Variants in FLVCR2 observed in about 807,000 individuals in gnomAD.
FLVCR2 encodes choline/ethanolamine transporter FLVCR2.
Under a neutral mutation model 48.9 loss-of-function variants are expected in FLVCR2, and 38 were observed. The observed-to-expected ratio is 0.78, with a 90% CI of 0.60 to 1.02. The LOEUF is 1.02. FLVCR2 is among the 50% of genes least tolerant of loss of function. The pLI is 0.00. For missense variants in FLVCR2, 664 were observed against 663.3 expected (o/e 1.00, Z -0.01); for synonymous variants, 255 against 257.0 (o/e 0.99, Z 0.07).
chr14:75,580,011 A>G (rs916662683), intron 1 of FLVCR2, among the ~76,000 whole-genome samples: 1 of 152,258 alleles, frequency 6.6e-6, no homozygotes, highest in Non-Finnish European at 1.5e-5. Flanking sequence ...AGAACTTGGC[A>G]GTGCTTTCAG....
At chr14:75,644,562 C>CTTACCTG (rs1890374911) in intron 9 of FLVCR2, among the ~76,000 whole-genome samples, 1 of 152,152 alleles carries the variant, frequency 6.6e-6, no homozygotes, top group Admixed American at 6.5e-5. Flanking sequence ...ATAAATGGTG[C>CTTACCTG]TCACCTGTCT....
At chr14:75,613,542 T>TCTTTTA (rs747651406) in intron 1 of FLVCR2, among the ~76,000 whole-genome samples, 25 of 152,024 alleles carry the variant, frequency 1.6e-4, no homozygotes, top group Non-Finnish European at 1.5e-4. Flanking sequence ...ACATGAGATT[T>TCTTTTA]CTTTTTCTTT....
intron 1 of FLVCR2, chr14:75,604,326 T>C (rs1202819906): frequency 6.6e-6 from 1 of 152,242 alleles, no homozygotes; most frequent in Non-Finnish European, 1.5e-5. Flanking sequence ...GGTTTGGGCT[T>C]CTTTGGTAAA....
chr14:75,624,287 C>T (rs893052564), intron 2 of FLVCR2, among the ~76,000 whole-genome samples: 1 of 149,660 alleles, frequency 6.7e-6, no homozygotes, highest in African/African-American at 2.5e-5. Flanking sequence ...TGCTTGAGCC[C>T]AGGAGGTGGA....
chr14:75,629,339 G>A (rs931444790), intron 3 of FLVCR2, among the ~76,000 whole-genome samples: 1 of 152,036 alleles, frequency 6.6e-6, no homozygotes, highest in Non-Finnish European at 1.5e-5. Flanking sequence ...TGGCAATTCA[G>A]TTTAGAGGGG....
At chr14:75,595,996 C>T (rs981841771) in intron 1 of FLVCR2, 25 of 1,505,144 alleles carry the variant, frequency 1.7e-5, no homozygotes, top group South Asian at 7.9e-5. Flanking sequence ...ATGCCAAAGC[C>T]GGTTGTCTTG....
chr14:75,638,206 CG>C (rs1890216993), intron 5 of FLVCR2, among the ~76,000 whole-genome samples: 1 of 151,986 alleles, frequency 6.6e-6, no homozygotes, highest in Non-Finnish European at 1.5e-5. Flanking sequence ...GAGGCCAAGG[CG>C]GGCAGATCAC....
At chr14:75,611,735 CACAA>C (rs575486820) in intron 1 of FLVCR2, among the ~76,000 whole-genome samples, 17 of 151,974 alleles carry the variant, frequency 1.1e-4, no homozygotes, top group South Asian at 2.1e-4. Context: ...GACCCTGTCT[CACAA>C]ACAAACAAAC....
At chr14:75,586,685 A>C (rs980993942) in intron 1 of FLVCR2, among the ~76,000 whole-genome samples, 15 of 152,114 alleles carry the variant, frequency 9.9e-5, no homozygotes, top group Admixed American at 9.8e-4. Context: ...GACCACACAG[A>C]TCACCATAAC....
intron 3 of FLVCR2, among the ~76,000 whole-genome samples, chr14:75,627,625 C>G (rs903659036): frequency 1.3e-5 from 2 of 152,196 alleles, no homozygotes; most frequent in African/African-American, 2.4e-5. Flanking sequence ...TAGCAGGTCC[C>G]CGGAAAAGCC....
chr14:75,644,941 C>T (rs967713541), intron 9 of FLVCR2, among the ~76,000 whole-genome samples: 1 of 152,102 alleles, frequency 6.6e-6, no homozygotes, highest in Non-Finnish European at 1.5e-5. Flanking sequence ...TTTCTTCTAG[C>T]ACATAGACAG....
Position 75,616,086 on chromosome 14 carries a change from C to G in FLVCR2, c.670-5993C>G, listed in dbSNP as rs139025079. Among the ~76,000 whole-genome samples, 28 of 139,720 alleles carry G rather than the reference C, an allele frequency of 2.0e-4. No homozygotes were observed. The East Asian group carries it at 6.3e-3, about 31-fold the overall frequency. 91.7% of individuals were successfully genotyped at this position (139,720 alleles called of 152,430 possible). A position where few individuals can be genotyped will look rare whatever the true frequency, so the allele number is the denominator to read the frequency against. On this transcript the variant is annotated intron_variant, in intron 1 of 9. Transcript: ENST00000238667. The stretch of plus-strand genomic sequence containing the variant: ...AGTTATGGTGGCTCATACCTGTAAT[C>G]TCAATATTTTGGGAAGCTGAGATGG...
intron 1 of FLVCR2, among the ~76,000 whole-genome samples, chr14:75,591,263 G>A (rs751960095): frequency 1.8e-4 from 28 of 152,148 alleles, no homozygotes; most frequent in East Asian, 5.8e-4. Flanking sequence ...TAGTGGTCTC[G>A]AATGCCTGCA....
chr14:75,581,376 C>A (rs150986858), intron 1 of FLVCR2, among the ~76,000 whole-genome samples: 2 of 152,006 alleles, frequency 1.3e-5, no homozygotes, highest in Non-Finnish European at 2.9e-5. Flanking sequence ...TGACAGAGTC[C>A]TCTTTTTTAA....
chr14:75,614,383 C>T (rs1006985917), intron 1 of FLVCR2, among the ~76,000 whole-genome samples: 4 of 152,116 alleles, frequency 2.6e-5, no homozygotes, highest in African/African-American at 9.7e-5. Flanking sequence ...TGAGTAAGCG[C>T]CAGACTAGCA....
chr14:75,634,630 A>G (rs1890121481), intron 4 of FLVCR2, among the ~76,000 whole-genome samples: 1 of 152,210 alleles, frequency 6.6e-6, no homozygotes, highest in Non-Finnish European at 1.5e-5. Flanking sequence ...TGAGGTTTAC[A>G]TTTTTTAAAA....
chr14:75,597,242 C>T (rs1045476657), intron 1 of FLVCR2, among the ~76,000 whole-genome samples: 12 of 150,924 alleles, frequency 8.0e-5, no homozygotes, highest in African/African-American at 2.7e-4. Context: ...GATTATGCCA[C>T]TGCACTCCAA....
chr14:75,580,515 T>G (rs1313381842), intron 1 of FLVCR2, among the ~76,000 whole-genome samples: 2 of 152,238 alleles, frequency 1.3e-5, no homozygotes, highest in Non-Finnish European at 2.9e-5. Flanking sequence ...CACGTCCATG[T>G]GAAGAGACCA....
Position 75,641,048 on chromosome 14 carries a change from CAT to C in FLVCR2, c.1332_1333del (p.Ser445CysfsTer17). 6.2e-7 allele frequency: 1 copy of C among 1,612,936 alleles called. No individual in the cohort carries two copies. The highest frequency in any genetic ancestry group is 8.5e-7 in the Non-Finnish European group (1 of 1,178,888). ...SEGISSGLLN[I>X]SAQVFGIIFT... is the part of the protein sequence containing the mutation. ...AAGGCATCTCCTCCGGCCTCCTCAA[CAT>C]ATCTGCACAGGTAGAGCTCGTATTT... On this transcript the variant is annotated frameshift_variant, in exon 7 of 10. Coordinates refer to ENST00000238667, the MANE Select transcript of FLVCR2 (RefSeq NM_017791.3). LOFTEE classifies it high-confidence loss of function.
Sources: allele counts gnomAD v4.1 joint callset (sites outside exome capture counted in the v4.1 genomes callset), GRCh38; gene constraint gnomAD v4.1.1; transcripts MANE v1.5; gene names NCBI Gene and HGNC (gene_info 2026-07-23, HGNC 2026-07-21).